Variants in CHST9 observed in about 807,000 individuals in gnomAD.
CHST9 encodes carbohydrate sulfotransferase 9, also known as GalNAc-4-sulfotransferase 2.
CHST9 carries 41 observed loss-of-function variants against 44.4 expected under a neutral mutation model. That is an observed-to-expected ratio of 0.92 (90% CI 0.72 to 1.20). The LOEUF (loss-of-function observed/expected upper bound fraction) is 1.20. CHST9 is among the 50% of genes most tolerant of loss of function. The pLI, the probability that CHST9 is intolerant of heterozygous loss-of-function variation, is 0.00. For synonymous variants in CHST9, 171 were observed against 178.4 expected (o/e 0.96, Z 0.33); for missense variants, 504 against 516.5 (o/e 0.98, Z 0.23).
chr18:27,128,522 C>A (rs990782308), intron 2 of CHST9, among the ~76,000 whole-genome samples: 4 of 152,222 alleles, frequency 2.6e-5, no homozygotes, highest in African/African-American at 9.6e-5. Context: ...CCCGCCTCGG[C>A]CTCCCAAAGT....
intron 3 of CHST9, among the ~76,000 whole-genome samples, chr18:27,029,171 G>A (rs1370735739): frequency 6.6e-6 from 1 of 152,100 alleles, no homozygotes; most frequent in Non-Finnish European, 1.5e-5. Context: ...AGCAAAAGAA[G>A]ATAGAAGAAA....
chr18:26,995,666 A>G (rs917568787), intron 4 of CHST9, among the ~76,000 whole-genome samples: 12 of 152,316 alleles, frequency 7.9e-5, no homozygotes, highest in African/African-American at 2.4e-4. Flanking sequence ...GTAGCTTGGG[A>G]TACATGAAAA....
intron 1 of CHST9, among the ~76,000 whole-genome samples, chr18:27,168,854 A>G (rs2058811956): frequency 6.6e-6 from 1 of 152,228 alleles, no homozygotes; most frequent in Non-Finnish European, 1.5e-5. Context: ...GAGTCAATGT[A>G]AAGGGAGATT....
chr18:26,934,422 G>A (rs942881845), intron 5 of CHST9: 1 of 152,016 alleles, frequency 6.6e-6, no homozygotes, highest in African/African-American at 2.4e-5. Flanking sequence ...TTTTAGTAGA[G>A]ATGGGGTTTC....
intron 2 of CHST9, among the ~76,000 whole-genome samples, chr18:27,058,669 C>T (rs1192691995): frequency 1.3e-5 from 2 of 152,162 alleles, no homozygotes; most frequent in Admixed American, 1.3e-4. Context: ...ATGTGACCAG[C>T]TCCCAGGTGT....
intron 5 of CHST9, among the ~76,000 whole-genome samples, chr18:26,937,471 G>A (rs2056013975): frequency 2.0e-5 from 3 of 152,104 alleles, no homozygotes; most frequent in African/African-American, 4.8e-5. Context: ...AGAGGTGGGA[G>A]TGTAGTATAA....
In CHST9 at chr18:26,929,207, A is replaced by G. The variant is rs183810462; in HGVS notation, c.241-11857T>C. ...ACCCTAATCCTGTTCAGCTAAGACT[A>G]TATAGATCTGTGGGAATTCTGTTGC... On this transcript the variant is annotated intron_variant, in intron 5 of 5. Coordinates refer to ENST00000618847, the MANE Select transcript of CHST9 (RefSeq NM_031422.6). Among the ~76,000 whole-genome samples, 584 of 152,306 alleles carry G rather than the reference A, an allele frequency of 3.8e-3. 2 individuals carry two copies. The highest frequency in any genetic ancestry group is 7.0e-3 in the Non-Finnish European group (475 of 68,024).
At chr18:27,050,654 T>C (rs2057555388) in intron 2 of CHST9, among the ~76,000 whole-genome samples, 1 of 152,208 alleles carries the variant, frequency 6.6e-6, no homozygotes, top group African/African-American at 2.4e-5. Flanking sequence ...AGGACTTGTT[T>C]GATGCAATTT....
At chr18:27,069,019 A>G (rs1401968348) in intron 2 of CHST9, among the ~76,000 whole-genome samples, 1 of 152,170 alleles carries the variant, frequency 6.6e-6, no homozygotes, top group Non-Finnish European at 1.5e-5. Context: ...TCGGGGAAGA[A>G]ATTCCTTCAC....
chr18:26,917,013 C>G lies in CHST9; in HGVS notation c.578G>C (p.Ser193Thr), dbSNP rs765879879. The G allele has an allele frequency of 6.8e-6, 11 of 1,613,800 alleles. No homozygotes were observed. The highest frequency in any genetic ancestry group is 9.3e-6 in the Non-Finnish European group (11 of 1,179,886). Residue 193 changes from serine to threonine, a missense_variant, in exon 6 of 6, where the codon AGT (serine) becomes ACT (threonine). By Grantham distance (58) the Ser-to-Thr change is moderately conservative. Transcript: ENST00000618847. ...ATGAAAAAGATGTGACTGATGATGA[C>G]TCACCCCACCGTATTTCTTGCAAAA... ...QEFCKKYGGV[S>T]HHQSHLFHTV...
chr18:27,181,252 T>C (rs750290898), intron 1 of CHST9, among the ~76,000 whole-genome samples: 39 of 152,194 alleles, frequency 2.6e-4, no homozygotes, highest in Non-Finnish European at 4.4e-4. Context: ...AAACTGACTA[T>C]AAACAAGATA....
At chr18:27,174,461 T>C (rs1466997646) in intron 1 of CHST9, among the ~76,000 whole-genome samples, 1 of 152,010 alleles carries the variant, frequency 6.6e-6, no homozygotes, top group African/African-American at 2.4e-5. Flanking sequence ...TTTGTACTAC[T>C]TCTAGTGATG....
chr18:27,085,627 T>G (rs2058005307), intron 2 of CHST9, among the ~76,000 whole-genome samples: 2 of 152,120 alleles, frequency 1.3e-5, no homozygotes, highest in South Asian at 4.1e-4. Context: ...CAACAGATGT[T>G]GGCAAGGTTG....
intron 3 of CHST9, among the ~76,000 whole-genome samples, chr18:27,037,724 C>G (rs4800782): frequency 0.13 from 19,227 of 152,048 alleles, 1,321 homozygotes; most frequent in East Asian, 0.23. Flanking sequence ...AGAAAAAAGA[C>G]AAACAATGCA....
chr18:27,036,293 C>T (rs2057389867), intron 3 of CHST9, among the ~76,000 whole-genome samples: 1 of 152,042 alleles, frequency 6.6e-6, no homozygotes, highest in Admixed American at 6.6e-5. Flanking sequence ...TCCTTTATCT[C>T]CAGTTCAGGA....
At chr18:26,975,763 A>ATATG (rs2056616547) in intron 4 of CHST9, among the ~76,000 whole-genome samples, 1 of 105,376 alleles carries the variant, frequency 9.5e-6, no homozygotes, top group African/African-American at 3.6e-5. Context: ...ATATATATAT[A>ATATG]TAACATTTTC....
At chr18:26,965,146 TG>T (rs772750533) in intron 4 of CHST9, among the ~76,000 whole-genome samples, 1 of 152,174 alleles carries the variant, frequency 6.6e-6, no homozygotes, top group Non-Finnish European at 1.5e-5. Flanking sequence ...CAGCATTTTT[TG>T]GGTTTAGAAT....
chr18:27,052,670 T>C (rs1355801477), intron 2 of CHST9, among the ~76,000 whole-genome samples: 1 of 152,114 alleles, frequency 6.6e-6, no homozygotes, highest in African/African-American at 2.4e-5. Context: ...ATAATTATAG[T>C]CCCAGTTTCT....
Position 26,906,549 on chromosome 18 carries a change from C to G in CHST9, c.*9710G>C, listed in dbSNP as rs553614556. 25 of 152,280 alleles carry G rather than the reference C, an allele frequency of 1.6e-4. No individual in the cohort carries two copies. Among genetic ancestry groups the G allele is most frequent in the African/African-American group, 5.5e-4 (23 of 41,544 alleles). The allele number at this position is 152,280 out of a possible 1,614,324, so 9.4% of individuals were successfully genotyped here. A position where few individuals can be genotyped will look rare whatever the true frequency, so the allele number is the denominator to read the frequency against. ...ACTTTACATGCATTTCCCATACCCC[C>G]CTTACTAGGTAGGTATTCTATCCTC... On this transcript the variant is annotated 3_prime_UTR_variant, in exon 6 of 6. Transcript: ENST00000618847.
Sources: gnomAD v4.1 joint callset for allele counts (sites outside exome capture counted in the v4.1 genomes callset) on GRCh38, gnomAD v4.1.1 for gene constraint, MANE v1.5 for transcripts, NCBI Gene and HGNC (gene_info 2026-07-23, HGNC 2026-07-21) for gene names.